PTPRN2: variants seen among roughly 807,000 people sequenced by gnomAD.
The protein encoded by PTPRN2 is protein tyrosine phosphatase receptor type N2.
A neutral mutation model predicts 118.8 loss-of-function variants in PTPRN2; 74 were observed. The observed-to-expected ratio is 0.62, with a 90% CI of 0.52 to 0.76. PTPRN2 has a LOEUF of 0.76. Among genes scored for constraint, PTPRN2 ranks in the 30% least tolerant of loss-of-function variants. The probability of loss-of-function intolerance (pLI) is 0.00; values close to 1 mark genes in which losing one functional copy is unlikely to be tolerated. For synonymous variants in PTPRN2, 641 were observed against 608.0 expected (o/e 1.05, Z -0.80); for missense variants, 1,481 against 1,394.4 (o/e 1.06, Z -0.99).
chr7:158,492,543 C>T (rs1821535968), intron 1 of PTPRN2, among the ~76,000 whole-genome samples: 1 of 152,230 alleles, frequency 6.6e-6, no homozygotes, highest in African/African-American at 2.4e-5. Flanking sequence ...CAACCTGATT[C>T]GTTACTCCAG....
chr7:157,708,629 C>A (rs1798448404), intron 12 of PTPRN2, among the ~76,000 whole-genome samples: 2 of 152,104 alleles, frequency 1.3e-5, no homozygotes, highest in Non-Finnish European at 2.9e-5. Flanking sequence ...TCATGTGTGC[C>A]CCAACTTCCG....
rs1310109003 is a variant in PTPRN2, at chr7:157,690,403, C to T, written c.1789-7466G>A. ...GCGCGCCCTCCAGCCTTCGAAAGCT[C>T]TCTTCCTCGCCCCACCACCTACGCG... is the stretch of plus-strand genomic sequence containing the variant. On this transcript the variant is annotated intron_variant, in intron 12 of 22. Transcript: ENST00000389418. The surrounding 1 kb of genome is among the most constrained non-coding windows in gnomAD (Gnocchi z 7.1). Among the ~76,000 whole-genome samples, 1 of 152,172 alleles carries T rather than the reference C, an allele frequency of 6.6e-6. No individual in the cohort carries two copies. The highest frequency in any genetic ancestry group is 1.5e-5 in the Non-Finnish European group (1 of 68,014).
At chr7:158,029,124 C>T (rs1403172354) in intron 11 of PTPRN2, 2 of 152,270 alleles carry the variant, frequency 1.3e-5, no homozygotes, top group Admixed American at 1.3e-4. Flanking sequence ...GCAGCCTCCC[C>T]ACCACTCGCC....
intron 21 of PTPRN2, among the ~76,000 whole-genome samples, chr7:157,561,237 G>A (rs932478766): frequency 5.3e-5 from 8 of 150,946 alleles, no homozygotes; most frequent in South Asian, 4.2e-4. Context: ...TGTACTGCCC[G>A]GCCGGTCTCC....
At chr7:157,940,506 C>T (rs982141724) in intron 11 of PTPRN2, among the ~76,000 whole-genome samples, 2 of 146,702 alleles carry the variant, frequency 1.4e-5, no homozygotes, top group African/African-American at 5.2e-5. Flanking sequence ...CACCCTCCCC[C>T]TTGACACTGC....
Position 158,466,242 on chromosome 7 carries a change from A to G in PTPRN2, c.163+23493T>C, listed in dbSNP as rs913457784. 3.3e-5 allele frequency among the ~76,000 whole-genome samples: 5 copies of G among 152,118 alleles called. No individual in the cohort carries two copies. In the South Asian group the frequency reaches 1.0e-3, roughly 32 times the overall value. ...ACTACATACAGTCCTCACGCTGTGC[A>G]TTAGGCCCCTGGGCTCACTCCTCCC... On this transcript the variant is annotated intron_variant, in intron 2 of 22. Transcript: ENST00000389418.
chr7:158,283,439 C>A (rs917251497), intron 3 of PTPRN2, among the ~76,000 whole-genome samples: 6 of 152,192 alleles, frequency 3.9e-5, no homozygotes, highest in Non-Finnish European at 7.3e-5. Context: ...GAGACCACCA[C>A]TGAGAGGGTA....
chr7:157,847,296 C>T (rs1305969025), intron 12 of PTPRN2, among the ~76,000 whole-genome samples: 1 of 111,674 alleles, frequency 9.0e-6, no homozygotes, highest in African/African-American at 3.5e-5. Flanking sequence ...CAGAGCCCTC[C>T]CTCACTACAT....
intron 1 of PTPRN2, among the ~76,000 whole-genome samples, chr7:158,492,198 G>C (rs769624847): frequency 6.6e-6 from 1 of 152,214 alleles, no homozygotes; most frequent in Non-Finnish European, 1.5e-5. Context: ...AGGTTAGTCC[G>C]ATGTCGTGGA....
chr7:157,578,200 T>C, intron 17 of PTPRN2, 60 bp from the exon 18 acceptor site: 1 of 1,536,936 alleles, frequency 6.5e-7, no homozygotes, highest in East Asian at 2.3e-5. Context: ...GTGACATGTG[T>C]AATTACTGCA....
rs1345917086 is a variant in PTPRN2 at position 157,808,136 on chromosome 7, AC to A, written c.1788+90536del. On this transcript the variant is annotated intron_variant, in intron 12 of 22. Coordinates refer to ENST00000389418, the MANE Select transcript of PTPRN2 (RefSeq NM_002847.5). This position sits in a 1 kb window ranked among gnomAD's most constrained non-coding sequence, Gnocchi z 5.0. Reference sequence around the variant, plus strand: ...CCCAGCCTCTGGGCCACGGACTGACACCAGTCTGTGGCCTGTTAGGAACTGG... The same window carrying A: ...CCCAGCCTCTGGGCCACGGACTGACACAGTCTGTGGCCTGTTAGGAACTGG... Among the ~76,000 whole-genome samples, 3 of 150,864 alleles carry A rather than the reference AC, an allele frequency of 2.0e-5. No individual in the cohort carries two copies. Among genetic ancestry groups the A allele is most frequent in the Non-Finnish European group, 4.4e-5 (3 of 68,010 alleles).
chr7:158,094,354 G>A (rs1473242535), intron 10 of PTPRN2, among the ~76,000 whole-genome samples: 1 of 152,112 alleles, frequency 6.6e-6, no homozygotes, highest in Admixed American at 6.5e-5. Context: ...CTGTCACCCA[G>A]GCTGCAGTGC....
intron 12 of PTPRN2, among the ~76,000 whole-genome samples, chr7:157,767,690 G>C (rs916186779): frequency 2.6e-5 from 4 of 152,214 alleles, no homozygotes; most frequent in Non-Finnish European, 5.9e-5. Flanking sequence ...TGCCTCTGCA[G>C]TGTGGTGAGA....
intron 2 of PTPRN2, among the ~76,000 whole-genome samples, chr7:158,398,073 A>C (rs764801353): frequency 2.6e-4 from 39 of 152,332 alleles, no homozygotes; most frequent in Non-Finnish European, 5.3e-4. Flanking sequence ...GTGCTGATAC[A>C]TCCACACATT....
At chr7:157,924,104 C>A (rs1798836486) in intron 11 of PTPRN2, among the ~76,000 whole-genome samples, 1 of 152,026 alleles carries the variant, frequency 6.6e-6, no homozygotes, top group Non-Finnish European at 1.5e-5. Context: ...GAGGAGGGGG[C>A]CCGGTCCTGA....
intron 12 of PTPRN2, among the ~76,000 whole-genome samples, chr7:157,706,703 C>T (rs1481379182): frequency 6.6e-6 from 1 of 150,876 alleles, no homozygotes; most frequent in Non-Finnish European, 1.5e-5. Context: ...AGGCGGATCA[C>T]ATCCCCCAGA....
chr7:157,693,201 T>A (rs551674671), intron 12 of PTPRN2, among the ~76,000 whole-genome samples: 1 of 152,078 alleles, frequency 6.6e-6, no homozygotes, highest in South Asian at 2.1e-4. Flanking sequence ...GCCCTCAGCC[T>A]GGCTGGTAAC....
intron 13 of PTPRN2, among the ~76,000 whole-genome samples, chr7:157,682,455 T>TAC (rs1796960438): frequency 6.6e-6 from 1 of 152,358 alleles, no homozygotes; most frequent in African/African-American, 2.4e-5. Flanking sequence ...TCATGTACTG[T>TAC]ACTTTTTCCA....
chr7:158,150,265 A>G (rs1237849803), intron 6 of PTPRN2, among the ~76,000 whole-genome samples: 3 of 152,246 alleles, frequency 2.0e-5, no homozygotes, highest in Non-Finnish European at 4.4e-5. Flanking sequence ...AGATTTTTAA[A>G]CAAGTTGAAT....
Sources: gnomAD v4.1 joint callset for allele counts (sites outside exome capture counted in the v4.1 genomes callset) on GRCh38, gnomAD v4.1.1 for gene constraint, Gnocchi (gnomAD v3.1) non-coding constraint, MANE v1.5 for transcripts, NCBI Gene and HGNC (gene_info 2026-07-23, HGNC 2026-07-21) for gene names.